The following B4GALT1 variants were observed in gnomAD, a reference collection of about 807,000 sequenced individuals.
B4GALT1 encodes the protein beta-1,4-galactosyltransferase 1, also known as N-acetyllactosamine synthase.
B4GALT1 carries 16 observed loss-of-function variants against 34.9 expected under a neutral mutation model. The observed-to-expected ratio is 0.46, with a 90% CI of 0.31 to 0.70. The LOEUF (loss-of-function observed/expected upper bound fraction) is 0.70, where lower values mean the gene tolerates loss of function less well. Among genes scored for constraint, B4GALT1 ranks in the 30% least tolerant of loss-of-function variants. The pLI is 0.05. For missense variants in B4GALT1, 445 were observed against 530.5 expected, an observed-to-expected ratio of 0.84 and a Z score of 1.58; for synonymous variants, 221 against 218.1, an observed-to-expected ratio of 1.01 and a Z score of -0.12.
intron 1 of B4GALT1, among the ~76,000 whole-genome samples, chr9:33,148,628 T>C (rs941184327): frequency 6.6e-6 from 1 of 152,182 alleles, no homozygotes; most frequent in Non-Finnish European, 1.5e-5. Flanking sequence ...GCTGGACATA[T>C]ACACGGCAAC....
At chr9:33,161,143 T>C (rs964682191) in intron 1 of B4GALT1, among the ~76,000 whole-genome samples, 3 of 152,214 alleles carry the variant, frequency 2.0e-5, no homozygotes, top group South Asian at 4.2e-4. Flanking sequence ...TTAAAATCAC[T>C]GCCAAAGAAT....
intron 1 of B4GALT1, among the ~76,000 whole-genome samples, chr9:33,164,688 G>A (rs1262383976): frequency 1.3e-5 from 2 of 152,188 alleles, no homozygotes; most frequent in African/African-American, 4.8e-5. Flanking sequence ...TGTCTCTTAC[G>A]CTTCTGAGAG....
intron 1 of B4GALT1, among the ~76,000 whole-genome samples, chr9:33,158,568 T>C (rs1840630611): frequency 6.6e-6 from 1 of 152,204 alleles, no homozygotes; most frequent in Non-Finnish European, 1.5e-5. Context: ...TGACAGCAAG[T>C]AGAGGAAATC....
At chr9:33,125,581 C>A (rs1407597215) in intron 2 of B4GALT1, among the ~76,000 whole-genome samples, 2 of 152,162 alleles carry the variant, frequency 1.3e-5, no homozygotes, top group Non-Finnish European at 2.9e-5. Context: ...AAGGCAGGGG[C>A]TCCACTTCCA....
upstream of B4GALT1, among the ~76,000 whole-genome samples, chr9:33,169,764 G>A (rs1197628334): frequency 1.2e-4 from 18 of 151,936 alleles, no homozygotes; most frequent in African/African-American, 3.4e-4. Flanking sequence ...CAGGTGATCC[G>A]CCCGCCTCGG....
chr9:33,160,761 CAAAAAG>C (rs1183565692), intron 1 of B4GALT1, among the ~76,000 whole-genome samples: 1 of 150,224 alleles, frequency 6.7e-6, no homozygotes, highest in Admixed American at 6.6e-5. Flanking sequence ...AACCCTGTCT[CAAAAAG>C]AAAAAGAAAA....
chr9:33,105,095 C>T (rs1286824682), intron 2 of B4GALT1, among the ~76,000 whole-genome samples: 1 of 152,126 alleles, frequency 6.6e-6, no homozygotes, highest in African/African-American at 2.4e-5. Flanking sequence ...GCTGGGATTA[C>T]TGGCGTGAGC....
chr9:33,178,408 A>T, the B4GALT1 span, among the ~76,000 whole-genome samples: 1 of 152,220 alleles, frequency 6.6e-6, no homozygotes, highest in East Asian at 1.9e-4. Flanking sequence ...AATAGACTTC[A>T]CAAATTGATA....
At position 33,112,107 on chromosome 9, in the gene B4GALT1, G is replaced by C. The variant is rs962054740; in HGVS notation, c.*1347C>G. ...GACGAAGGAAGGAATGAGAAAGGCA[G>C]GGGAAAAGAGGAAGGAGGAAGAACT... is the stretch of plus-strand genomic sequence containing the variant. On this transcript the variant is annotated 3_prime_UTR_variant, in exon 6 of 6. Coordinates refer to ENST00000379731, the MANE Select transcript of B4GALT1 (RefSeq NM_001497.4). 6.5e-6 allele frequency: 1 copy of C among 153,016 alleles called. No homozygotes were observed. Among genetic ancestry groups the C allele is most frequent in the Admixed American group, 6.5e-5 (1 of 15,284 alleles). The allele number at this position is 153,016 out of a possible 1,614,324, so 9.5% of individuals were successfully genotyped here.
At chr9:33,147,245 CTTTT>C (rs59219360) in intron 1 of B4GALT1, among the ~76,000 whole-genome samples, 5 of 136,516 alleles carry the variant, frequency 3.7e-5, no homozygotes, top group Non-Finnish European at 1.6e-5. Flanking sequence ...ACAAGTCATT[CTTTT>C]TTTTTTTTTT....
At chr9:33,137,648 TTAGA>T in intron 1 of B4GALT1, among the ~76,000 whole-genome samples, 1 of 45,552 alleles carries the variant, frequency 2.2e-5, no homozygotes, top group Admixed American at 3.5e-4. Context: ...GGCCCTTCCC[TTAGA>T]GAGTCTGTGG....
intron 2 of B4GALT1, among the ~76,000 whole-genome samples, chr9:33,125,642 C>G (rs1309177200): frequency 6.8e-6 from 1 of 146,020 alleles, no homozygotes; most frequent in Non-Finnish European, 1.5e-5. Context: ...TTGCAAGCAG[C>G]CTTTGTAGGG....
At position 33,113,333 on chromosome 9, in the gene B4GALT1, G is replaced by A. The variant is rs181556643; in HGVS notation, c.*121C>T. 9.3e-5 allele frequency: 135 copies of A among 1,452,106 alleles called. No homozygotes were observed. In the Middle Eastern group the frequency reaches 9.3e-4, roughly 10 times the overall value. The allele number at this position is 1,452,106 out of a possible 1,614,324, so 90.0% of individuals were successfully genotyped here. Reference sequence around the variant, plus strand: ...TCATCTGGAAAGCCATCTGAATGATGAGCGAAGGGGACCTGTCACTCAGAC... The same window carrying A: ...TCATCTGGAAAGCCATCTGAATGATAAGCGAAGGGGACCTGTCACTCAGAC... On this transcript the variant is annotated 3_prime_UTR_variant, in exon 6 of 6. Transcript: ENST00000379731.
In B4GALT1 at chr9:33,110,854, C is replaced by T. The variant is rs2117988782; in HGVS notation, c.*2600G>A. ...ATGCAGAGCCCCCGCCCCTGGCAGT[C>T]AGCAGAGACCCTGTCCAGGCTGAAG... is the stretch of plus-strand genomic sequence containing the variant. On this transcript the variant is annotated 3_prime_UTR_variant, in exon 6 of 6. Transcript: ENST00000379731. The T allele has an allele frequency of 6.6e-6, 1 of 152,324 alleles. No homozygotes were observed. The highest frequency in any genetic ancestry group is 2.1e-4 in the South Asian group (1 of 4,828). The allele number at this position is 152,324 out of a possible 1,614,324, so 9.4% of individuals were successfully genotyped here.
chr9:33,116,105 T>A lies in B4GALT1; in HGVS notation c.845A>T (p.Tyr282Phe). Reference sequence around the variant, plus strand: ...AGAGACACCTCCAAAATACTGAACATAAGGTAGGCTGGAGGAAAAACATAC... The same window carrying A: ...AGAGACACCTCCAAAATACTGAACAAAAGGTAGGCTGGAGGAAAAACATAC... ...AMDKFGFSLP[Y>F]VQYFGGVSAL... Residue 282 changes from tyrosine (Y) to phenylalanine (F), a missense_variant, in exon 4 of 6, where the codon TAT becomes TTT. Tyr to Phe is a conservative substitution (Grantham distance 22, BLOSUM62 3). Transcript: ENST00000379731. The A allele has an allele frequency of 1.2e-6, 2 of 1,613,112 alleles. No individual in the cohort carries two copies. Among genetic ancestry groups the A allele is most frequent in the Non-Finnish European group, 1.7e-6 (2 of 1,179,380 alleles).
At chr9:33,137,352 C>T (rs578209925) in intron 1 of B4GALT1, among the ~76,000 whole-genome samples, 1 of 152,304 alleles carries the variant, frequency 6.6e-6, no homozygotes, top group East Asian at 1.9e-4. Context: ...TTACTCTCTG[C>T]GCTATCACAG....
intron 1 of B4GALT1, among the ~76,000 whole-genome samples, chr9:33,136,885 T>C (rs1840280037): frequency 6.6e-6 from 1 of 152,088 alleles, no homozygotes; most frequent in South Asian, 2.1e-4. Flanking sequence ...AACGCGTGGC[T>C]CTCCAAGCAC....
chr9:33,120,277 A>T, intron 3 of B4GALT1, 142 bp downstream of exon 3: 1 of 906,488 alleles, frequency 1.1e-6, no homozygotes, highest in Non-Finnish European at 1.8e-6. Context: ...TTCCATCTCA[A>T]CTAATACAAA....
the B4GALT1 span, among the ~76,000 whole-genome samples, chr9:33,184,227 A>G: frequency 1.3e-5 from 2 of 149,418 alleles, no homozygotes; most frequent in Non-Finnish European, 1.5e-5. Flanking sequence ...TGAAAAATAA[A>G]ACAAAATAAA....
Sources: allele counts gnomAD v4.1 joint callset (sites outside exome capture counted in the v4.1 genomes callset), GRCh38; gene constraint gnomAD v4.1.1; transcripts MANE v1.5; gene names NCBI Gene and HGNC (gene_info 2026-07-23, HGNC 2026-07-21).